Variants in NFKBIZ observed in about 807,000 individuals in gnomAD.
NFKBIZ encodes NFKB inhibitor zeta.
Under a neutral mutation model 76.8 loss-of-function variants are expected in NFKBIZ, and 19 were observed. The ratio of observed to expected loss-of-function variants is 0.25; its 90% CI spans 0.17 to 0.36. The LOEUF (loss-of-function observed/expected upper bound fraction) is 0.36, where lower values mean the gene tolerates loss of function less well. Among genes scored for constraint, NFKBIZ ranks in the 10% least tolerant of loss-of-function variants. NFKBIZ has a pLI of 1.00. For missense variants in NFKBIZ, 829 were observed against 910.9 expected (o/e 0.91, Z 1.16); for synonymous variants, 368 against 354.8 (o/e 1.04, Z -0.42).
chr3:101,844,503 G>C (rs1942825086), intron 2 of NFKBIZ, among the ~76,000 whole-genome samples: 2 of 152,150 alleles, frequency 1.3e-5, no homozygotes, highest in South Asian at 4.1e-4. Flanking sequence ...AAACACAATT[G>C]TTTCAGGATA....
At chr3:101,852,034 A>G (rs1942972819) in intron 1 of NFKBIZ, 51 bp from the exon 2 acceptor site, 1 of 1,592,096 alleles carries the variant, frequency 6.3e-7, no homozygotes, top group Admixed American at 1.8e-5. Flanking sequence ...ATTAACGTTT[A>G]TGTCTGTGAA....
chr3:101,857,156 C>T lies in NFKBIZ; in HGVS notation c.1908C>T (p.Pro636=). 1 of 1,614,158 alleles carries T rather than the reference C, an allele frequency of 6.2e-7. No individual in the cohort carries two copies. The highest frequency in any genetic ancestry group is 1.1e-5 in the South Asian group (1 of 91,078). The change falls in exon 10 of 12, where the codon CCC becomes CCT. Residue 636 remains proline (P), a synonymous_variant. Coordinates refer to ENST00000326172, the MANE Select transcript of NFKBIZ (RefSeq NM_031419.4). ...TCATTCGCCTCTTTTTGGAGCTGCC[C>T]AGTTGCCTGTCTTTTGTGAATGCAA... is the stretch of plus-strand genomic sequence containing the variant. ...LELIRLFLEL[P]SCLSFVNAKA...
In NFKBIZ at chr3:101,855,814, C is replaced by G. The variant is rs1220277760; in HGVS notation, c.1736C>G (p.Pro579Arg). ...ELQRNQQPHS[P>R]EVQELLLKNK... ...CAGAGAAATCAACAGCCTCATTCAC[C>G]TGAAGTTCAGGAGCTTTTACTGAAG... Residue 579 changes from proline to arginine, a missense_variant, in exon 9 of 12, where the codon CCT (proline) becomes CGT (arginine). By Grantham distance (103) the Pro-to-Arg change is moderately radical. Coordinates refer to ENST00000326172, the MANE Select transcript of NFKBIZ (RefSeq NM_031419.4). 1 of 1,613,988 alleles carries G rather than the reference C, an allele frequency of 6.2e-7. No individual in the cohort carries two copies.
chr3:101,842,961 G>A (rs1020546351), intron 2 of NFKBIZ, among the ~76,000 whole-genome samples: 2 of 129,832 alleles, frequency 1.5e-5, no homozygotes, highest in African/African-American at 5.9e-5. Context: ...GCCTACATTC[G>A]ATCCCTAAAA....
Position 101,849,785 on chromosome 3 carries a change from T to C in NFKBIZ, c.157T>C (p.Ser53Pro). The change falls in exon 1 of 12, where the codon TCG becomes CCG. Residue 53 changes from serine to proline, a missense_variant. Coordinates refer to ENST00000326172, the MANE Select transcript of NFKBIZ (RefSeq NM_031419.4). ...AAPGACDASC[S>P]VLGPSAPGSP... ...CCCGGGCGCCTGCGACGCCAGCTGC[T>C]CGGTCTTGGGCCCCTCGGCGCCCGG... 1 of 1,457,854 alleles carries C rather than the reference T, an allele frequency of 6.9e-7. No individual in the cohort carries two copies. 90.3% of individuals were successfully genotyped at this position (1,457,854 alleles called of 1,614,324 possible). A position where few individuals can be genotyped will look rare whatever the true frequency, so the allele number is the denominator to read the frequency against.
chr3:101,848,004 C>G (rs1018432668), upstream of NFKBIZ, among the ~76,000 whole-genome samples: 5 of 152,202 alleles, frequency 3.3e-5, no homozygotes, highest in Non-Finnish European at 7.3e-5. Flanking sequence ...AGAGCGAGAC[C>G]TGTGGGTTCT....
At position 101,855,034 on chromosome 3, in the gene NFKBIZ, A is replaced by G. The variant is rs1387713925; in HGVS notation, c.1444-28A>G. On this transcript the variant is annotated intron_variant, in intron 6 of 11. Transcript: ENST00000326172. ...GTTATGATAACATTGTATGTTTAAAATATCTTTTTTCCTCTGGATATCCAC... is the reference window on the plus strand; with the variant it reads ...GTTATGATAACATTGTATGTTTAAAGTATCTTTTTTCCTCTGGATATCCAC... The G allele has an allele frequency of 2.6e-6, 4 of 1,565,556 alleles. 1 individual carries two copies. Among genetic ancestry groups the G allele is most frequent in the South Asian group, 2.4e-5 (2 of 82,800 alleles).
intron 2 of NFKBIZ, among the ~76,000 whole-genome samples, chr3:101,833,728 A>G (rs1942677318): frequency 6.6e-6 from 1 of 152,194 alleles, no homozygotes; most frequent in Admixed American, 6.5e-5. Context: ...CGTATCTTGT[A>G]AACAGCCAAT....
chr3:101,851,241 C>T (rs1326576801), intron 1 of NFKBIZ, among the ~76,000 whole-genome samples: 3 of 152,206 alleles, frequency 2.0e-5, no homozygotes, highest in Non-Finnish European at 2.9e-5. Flanking sequence ...GTGTTCAACA[C>T]ACATACTAAG....
chr3:101,839,427 T>A (rs1400356671), intron 2 of NFKBIZ, among the ~76,000 whole-genome samples: 1 of 152,124 alleles, frequency 6.6e-6, no homozygotes, highest in Non-Finnish European at 1.5e-5. Flanking sequence ...GATATGAAAG[T>A]TTTGCAAAAC....
intron 2 of NFKBIZ, among the ~76,000 whole-genome samples, chr3:101,838,148 A>C (rs2107398967): frequency 6.6e-6 from 1 of 152,316 alleles, no homozygotes; most frequent in Non-Finnish European, 1.5e-5. Flanking sequence ...CCATATGCAC[A>C]CAAATAAGAG....
intron 2 of NFKBIZ, among the ~76,000 whole-genome samples, chr3:101,843,173 G>A (rs573614855): frequency 2.0e-4 from 30 of 152,138 alleles, no homozygotes; most frequent in East Asian, 3.9e-4. Flanking sequence ...AGGGGTTTAC[G>A]CCTGTAATCC....
chr3:101,856,161 C>A lies in NFKBIZ; in HGVS notation c.1824+259C>A, dbSNP rs142379055. On this transcript the variant is annotated intron_variant, in intron 9 of 11. Coordinates refer to ENST00000326172, the MANE Select transcript of NFKBIZ (RefSeq NM_031419.4). Reference sequence around the variant, plus strand: ...CGACTCCCTGGTTCAAGCGATTCTCCTGCCTCAGCCTGCCCAGTAGCTGGG... The same window carrying A: ...CGACTCCCTGGTTCAAGCGATTCTCATGCCTCAGCCTGCCCAGTAGCTGGG... The A allele has an allele frequency of 6.6e-3, 1,504 of 227,412 alleles. 24 individuals are homozygous for A. Among genetic ancestry groups the A allele is most frequent in the African/African-American group, 0.033 (1,420 of 43,664 alleles). 14.1% of individuals were successfully genotyped at this position (227,412 alleles called of 1,614,324 possible). A position where few individuals can be genotyped will look rare whatever the true frequency, so the allele number is the denominator to read the frequency against.
chr3:101,838,071 T>C (rs1942745344), intron 2 of NFKBIZ, among the ~76,000 whole-genome samples: 1 of 152,236 alleles, frequency 6.6e-6, no homozygotes, highest in Non-Finnish European at 1.5e-5. Flanking sequence ...AAAAATTCAA[T>C]ATAGATGCAA....
At chr3:101,852,414 G>C (rs2107415312) in intron 2 of NFKBIZ, among the ~76,000 whole-genome samples, 190 bp downstream of exon 2, 1 of 152,316 alleles carries the variant, frequency 6.6e-6, no homozygotes, top group African/African-American at 2.4e-5. Flanking sequence ...CCAGACACCT[G>C]GTAGGTGGGC....
rs575896589 is a variant in NFKBIZ, at chr3:101,832,096, C to G, written c.-12+2408C>G. 8.9e-4 allele frequency among the ~76,000 whole-genome samples: 135 copies of G among 151,954 alleles called. 1 individual carries two copies. Among genetic ancestry groups the G allele is most frequent in the African/African-American group, 2.8e-3 (118 of 41,456 alleles). ...CAAGCTTCTTTGTTCTTTTTTGTTT[C>G]TTTCTTTCTTTTTTATTTTTTATTG... On this transcript the variant is annotated intron_variant, in intron 2 of 12. Transcript: ENST00000394054.
intron 6 of NFKBIZ, 26 bp from the exon 7 acceptor site, chr3:101,855,036 A>G (rs759792834): frequency 1.1e-5 from 17 of 1,567,394 alleles, no homozygotes; most frequent in Middle Eastern, 1.7e-4. Flanking sequence ...TGTTTAAAAT[A>G]TCTTTTTTCC....
chr3:101,838,593 T>C (rs1468970827), intron 2 of NFKBIZ, among the ~76,000 whole-genome samples: 1 of 152,236 alleles, frequency 6.6e-6, no homozygotes, highest in African/African-American at 2.4e-5. Flanking sequence ...AGGTGACAGC[T>C]GTGCAATAGG....
rs1943034583 is a variant in NFKBIZ, at chr3:101,855,431, G to A, written c.1627G>A (p.Val543Met). 1.2e-6 allele frequency: 2 copies of A among 1,614,186 alleles called. No individual in the cohort carries two copies. The highest frequency in any genetic ancestry group is 2.2e-5 in the East Asian group (1 of 44,880). ...GGGAGCAGTGGGAAGTAATCAGTTT[G>A]TGGATCTTGAGGCAACTAACTATGA... Reference protein sequence around the residue: ...QKGAVGSNQFVDLEATNYDGL... With the variant: ...QKGAVGSNQFMDLEATNYDGL... Residue 543 changes from valine (V) to methionine (M), a missense_variant, in exon 8 of 12, where the codon GTG becomes ATG. This residue lies in a region of NFKBIZ where 272 missense variants were observed against 384.2 expected (regional missense o/e 0.71). Transcript: ENST00000326172.
Sources: allele counts gnomAD v4.1 joint callset (sites outside exome capture counted in the v4.1 genomes callset), GRCh38; gene constraint gnomAD v4.1.1; regional missense constraint gnomAD v4.1.1; transcripts MANE v1.5; gene names NCBI Gene and HGNC (gene_info 2026-07-23, HGNC 2026-07-21).